Variants in FAM185A observed in about 807,000 individuals in gnomAD.
FAM185A encodes the protein family with sequence similarity 185 member A.
FAM185A carries 21 observed loss-of-function variants against 45.7 expected under a neutral mutation model. The ratio of observed to expected loss-of-function variants is 0.46; its 90% CI spans 0.33 to 0.66. The LOEUF (loss-of-function observed/expected upper bound fraction) is 0.66. Among genes scored for constraint, FAM185A ranks in the 30% least tolerant of loss-of-function variants. The pLI is 0.03. For missense variants in FAM185A, 305 were observed against 485.4 expected (o/e 0.63, Z 3.49); for synonymous variants, 117 against 194.0 (o/e 0.60, Z 3.30).
chr7:102,808,380 A>G lies in FAM185A; in HGVS notation c.1157A>G (p.Gln386Arg), dbSNP rs1425300605. The G allele has an allele frequency of 6.5e-7, 1 of 1,549,924 alleles. No homozygotes were observed. The highest frequency in any genetic ancestry group is 8.7e-7 in the Non-Finnish European group (1 of 1,145,330). The change falls in exon 8 of 8, where the codon CAG becomes CGG. Residue 386 changes from glutamine to arginine, a missense_variant. Around this residue, in one of 5 missense-constraint regions of FAM185A, gnomAD observed 66 missense variants for 74.6 expected, o/e 0.89. Coordinates refer to ENST00000413034, the MANE Select transcript of FAM185A (RefSeq NM_001145268.2). The stretch of plus-strand genomic sequence containing the variant: ...AGTTTTAGAAGGCAAAGTTGGTTTC[A>G]GTCCCTGAAACTGCAGGACTAAAAC... ...TVSFRRQSWF[Q>R]SLKLQD
intron 7 of FAM185A, among the ~76,000 whole-genome samples, chr7:102,804,893 A>T (rs1463012109): frequency 1.3e-5 from 2 of 152,274 alleles, no homozygotes; most frequent in African/African-American, 4.8e-5. Flanking sequence ...AATTCTCATA[A>T]GAAGATATAC....
rs1797251991 is a variant in FAM185A at position 102,808,270 on chromosome 7, T to C, written c.1067-20T>C. 6.8e-7 allele frequency: 1 copy of C among 1,474,974 alleles called. No homozygotes were observed. The highest frequency in any genetic ancestry group is 9.3e-7 in the Non-Finnish European group (1 of 1,077,134). 91.4% of individuals were successfully genotyped at this position (1,474,974 alleles called of 1,614,324 possible). On this transcript the variant is annotated intron_variant, in intron 7 of 7. Transcript: ENST00000413034. ...TCAATTAATGCTCTTGATATAATTTTATGCAATTTTGTGTTTTAGGACTCA... is the reference window on the plus strand; with the variant it reads ...TCAATTAATGCTCTTGATATAATTTCATGCAATTTTGTGTTTTAGGACTCA...
chr7:102,805,999 C>A (rs893134976), intron 7 of FAM185A, among the ~76,000 whole-genome samples: 1 of 152,152 alleles, frequency 6.6e-6, no homozygotes, highest in African/African-American at 2.4e-5. Context: ...TATCTGAAGT[C>A]CATGTGCCAG....
intron 6 of FAM185A, among the ~76,000 whole-genome samples, chr7:102,785,127 G>A (rs1462844589): frequency 1.8e-4 from 28 of 152,268 alleles, no homozygotes; most frequent in South Asian, 1.5e-3. Flanking sequence ...TACAAGGGAC[G>A]TGAAGGACCT....
the FAM185A span, among the ~76,000 whole-genome samples, chr7:102,828,980 G>A: frequency 6.6e-6 from 1 of 152,160 alleles, no homozygotes; most frequent in Non-Finnish European, 1.5e-5. Context: ...AATGTGCTGG[G>A]GATGTAACAT....
At chr7:102,834,396 T>TA in the FAM185A span, among the ~76,000 whole-genome samples, 112 of 145,932 alleles carry the variant, frequency 7.7e-4, no homozygotes, top group African/African-American at 2.7e-3. Flanking sequence ...ATATATATAT[T>TA]ATATGCGATT....
intron 7 of FAM185A, among the ~76,000 whole-genome samples, chr7:102,806,294 C>G (rs776100967): frequency 6.6e-6 from 1 of 152,168 alleles, no homozygotes. Flanking sequence ...AAGCAATTCT[C>G]CTACCTCAGC....
intron 3 of FAM185A, among the ~76,000 whole-genome samples, chr7:102,759,154 T>C (rs1793955920): frequency 6.6e-6 from 1 of 152,070 alleles, no homozygotes; most frequent in Non-Finnish European, 1.5e-5. Flanking sequence ...AGAGGGAAAT[T>C]AGACAAATTT....
intron 7 of FAM185A, among the ~76,000 whole-genome samples, chr7:102,791,520 A>G (rs1262537453): frequency 6.6e-6 from 1 of 152,216 alleles, no homozygotes; most frequent in Non-Finnish European, 1.5e-5. Flanking sequence ...GTTACTTGTT[A>G]TTATGGCTTA....
chr7:102,847,027 T>C, the FAM185A span, among the ~76,000 whole-genome samples: 2 of 152,328 alleles, frequency 1.3e-5, no homozygotes, highest in African/African-American at 2.4e-5. Context: ...GAAAATGATA[T>C]GAAATTCAAA....
the FAM185A span, among the ~76,000 whole-genome samples, chr7:102,830,916 A>T: frequency 6.6e-6 from 1 of 152,186 alleles, no homozygotes; most frequent in African/African-American, 2.4e-5. Flanking sequence ...CACTTTAGAG[A>T]CTTTCCTCTT....
At chr7:102,835,744 G>A in the FAM185A span, among the ~76,000 whole-genome samples, 1 of 144,114 alleles carries the variant, frequency 6.9e-6, no homozygotes, top group Non-Finnish European at 1.5e-5. Context: ...CAAGTAGCTG[G>A]GACTACAGGC....
At chr7:102,787,887 G>A (rs372061715) in intron 7 of FAM185A, among the ~76,000 whole-genome samples, 13 of 152,188 alleles carry the variant, frequency 8.5e-5, no homozygotes, top group African/African-American at 2.4e-4. Context: ...TCCCACAAAT[G>A]TGAATCGTTT....
At chr7:102,759,221 A>G (rs1793962759) in intron 3 of FAM185A, among the ~76,000 whole-genome samples, 1 of 152,122 alleles carries the variant, frequency 6.6e-6, no homozygotes, top group Admixed American at 6.5e-5. Context: ...AGTTACTAGA[A>G]TATTGTAACA....
downstream of FAM185A, among the ~76,000 whole-genome samples, chr7:102,811,521 T>A (rs190760767): frequency 6.6e-6 from 1 of 152,344 alleles, no homozygotes; most frequent in East Asian, 1.9e-4. Context: ...TGTTCTTGTT[T>A]AAGAAAGGAT....
rs1248510367 is a variant in FAM185A at position 102,749,084 on chromosome 7, TC to T, written c.-123del. 1 of 1,408,758 alleles carries T rather than the reference TC, an allele frequency of 7.1e-7. No homozygotes were observed. Among genetic ancestry groups the T allele is most frequent in the African/African-American group, 1.4e-5 (1 of 70,288 alleles). 87.3% of individuals were successfully genotyped at this position (1,408,758 alleles called of 1,614,324 possible). A position where few individuals can be genotyped will look rare whatever the true frequency, so the allele number is the denominator to read the frequency against. Reference sequence around the variant, plus strand: ...TCAAGCCAACCGGCTCGCTCTTGTTTCAGCAAACCCTGACTTACGTCTCCTA... The same window carrying T: ...TCAAGCCAACCGGCTCGCTCTTGTTTAGCAAACCCTGACTTACGTCTCCTA... On this transcript the variant is annotated 5_prime_UTR_variant, in exon 1 of 8. The change creates a premature stop within an existing upstream ORF in the 5' untranslated region. Transcript: ENST00000413034.
At chr7:102,750,291 T>A (rs1426588078) in intron 1 of FAM185A, among the ~76,000 whole-genome samples, 1 of 152,236 alleles carries the variant, frequency 6.6e-6, no homozygotes, top group African/African-American at 2.4e-5. Flanking sequence ...ACACACACTT[T>A]TCTAGGAAGG....
intron 7 of FAM185A, among the ~76,000 whole-genome samples, chr7:102,802,157 A>C (rs560076641): frequency 6.6e-6 from 1 of 152,316 alleles, no homozygotes; most frequent in East Asian, 1.9e-4. Context: ...AATGAAGAAA[A>C]AATGGATTTA....
At chr7:102,849,285 A>T in the FAM185A span, among the ~76,000 whole-genome samples, 1 of 152,234 alleles carries the variant, frequency 6.6e-6, no homozygotes, top group Non-Finnish European at 1.5e-5. Flanking sequence ...TGTTGTTCTC[A>T]GAAAAGAACT....
Sources: allele counts gnomAD v4.1 joint callset (sites outside exome capture counted in the v4.1 genomes callset), GRCh38; gene constraint gnomAD v4.1.1; regional missense constraint gnomAD v4.1.1; transcripts MANE v1.5; gene names NCBI Gene and HGNC (gene_info 2026-07-23, HGNC 2026-07-21).